Variants in TMEM131L observed in about 807,000 individuals in gnomAD.
TMEM131L encodes transmembrane protein 131-like.
A neutral mutation model predicts 192.2 loss-of-function variants in TMEM131L; 54 were observed. The observed-to-expected ratio is 0.28, with a 90% CI of 0.23 to 0.35. TMEM131L has a LOEUF of 0.35. Ranked by LOEUF, TMEM131L falls within the 10% of genes least tolerant of loss-of-function variation. The pLI, the probability that TMEM131L is intolerant of heterozygous loss-of-function variation, is 1.00. For missense variants in TMEM131L, 1,888 were observed against 1,972.9 expected (o/e 0.96, Z 0.82); for synonymous variants, 701 against 704.9 (o/e 0.99, Z 0.09).
chr4:153,622,508 G>A (rs1205173873), intron 28 of TMEM131L, among the ~76,000 whole-genome samples: 1 of 152,198 alleles, frequency 6.6e-6, no homozygotes, highest in Non-Finnish European at 1.5e-5. Flanking sequence ...TCCCATTCAT[G>A]TATCAATATT....
In TMEM131L at chr4:153,468,590, A is replaced by G. The variant is rs965581918; in HGVS notation, c.195+1309A>G. 2.0e-5 allele frequency among the ~76,000 whole-genome samples: 3 copies of G among 152,222 alleles called. No individual in the cohort carries two copies. The East Asian group carries it at 5.8e-4, about 29-fold the overall frequency. On this transcript the variant is annotated intron_variant, in intron 2 of 34. Transcript: ENST00000409959. ...TATTTTAAAAAAATTATGTTTTTGT[A>G]TATCAGAGTTGTTCAACAGTGGCAC...
At chr4:153,630,787 AC>A (rs59380365) in intron 31 of TMEM131L, among the ~76,000 whole-genome samples, 3,259 of 152,254 alleles carry the variant, frequency 0.021, 111 homozygotes, top group African/African-American at 0.073. Context: ...GCAATGATGC[AC>A]CCAGGCAACA....
chr4:153,594,604 A>G (rs12511694), intron 19 of TMEM131L, among the ~76,000 whole-genome samples: 3,436 of 152,330 alleles, frequency 0.023, 121 homozygotes, highest in Admixed American at 0.095. Flanking sequence ...TATTTTTACT[A>G]CACTATATTT....
At chr4:153,583,918 T>A (rs1410200798) in intron 11 of TMEM131L, among the ~76,000 whole-genome samples, 3 of 152,240 alleles carry the variant, frequency 2.0e-5, no homozygotes, top group African/African-American at 7.2e-5. Flanking sequence ...TGATAACGAT[T>A]AGGAAGGAAA....
chr4:153,599,145 A>G (rs1332048811), intron 21 of TMEM131L, among the ~76,000 whole-genome samples: 1 of 152,236 alleles, frequency 6.6e-6, no homozygotes, highest in Non-Finnish European at 1.5e-5. Context: ...GGAAACTTAC[A>G]ATTATGACAG....
intron 1 of TMEM131L, 41 bp downstream of exon 1, chr4:153,466,562 C>T: frequency 7.8e-7 from 1 of 1,277,910 alleles, no homozygotes. Context: ...CTCTCCACCC[C>T]GCCCCCGCTC....
At chr4:153,499,288 G>A (rs1458567920) in intron 3 of TMEM131L, among the ~76,000 whole-genome samples, 7 of 152,188 alleles carry the variant, frequency 4.6e-5, no homozygotes, top group Admixed American at 3.3e-4. Flanking sequence ...CGGGAGGTTT[G>A]GAGGATGCCC....
At chr4:153,575,771 G>A (rs1428774811) in intron 7 of TMEM131L, among the ~76,000 whole-genome samples, 1 of 152,088 alleles carries the variant, frequency 6.6e-6, no homozygotes, top group African/African-American at 2.4e-5. Flanking sequence ...CAAAACTAGA[G>A]AATTACGTTT....
intron 3 of TMEM131L, among the ~76,000 whole-genome samples, chr4:153,506,036 TG>T (rs1186496688): frequency 6.6e-6 from 1 of 152,208 alleles, no homozygotes; most frequent in Non-Finnish European, 1.5e-5. Flanking sequence ...GGGAAGTATT[TG>T]AAGTAGAACT....
At chr4:153,621,362 A>T (rs1733396799) in intron 27 of TMEM131L, among the ~76,000 whole-genome samples, 1 of 152,158 alleles carries the variant, frequency 6.6e-6, no homozygotes, top group South Asian at 2.1e-4. Flanking sequence ...GTAGGTTCTT[A>T]CAGCTGCAGG....
At chr4:153,478,341 T>C (rs1209686049) in intron 3 of TMEM131L, among the ~76,000 whole-genome samples, 1 of 152,242 alleles carries the variant, frequency 6.6e-6, no homozygotes, top group African/African-American at 2.4e-5. Flanking sequence ...ACCTTCTACC[T>C]TCTTAATTTT....
intron 26 of TMEM131L, 38 bp from the exon 27 acceptor site, chr4:153,620,718 T>C: frequency 1.5e-6 from 2 of 1,299,502 alleles, no homozygotes; most frequent in Non-Finnish European, 2.1e-6. Flanking sequence ...TATTCATATT[T>C]AGTTTAAACC....
intron 26 of TMEM131L, 27 bp from the exon 27 acceptor site, chr4:153,620,729 A>G (rs1733334389): frequency 1.4e-6 from 2 of 1,405,502 alleles, no homozygotes; most frequent in South Asian, 2.5e-5. Context: ...AGTTTAAACC[A>G]TTAAACATTT....
Position 153,467,207 on chromosome 4 carries a change from G to T in TMEM131L, c.125-4G>T, listed in dbSNP as rs913304985. ...ACGTGGTGTATTTTTTGGTGTTCCTGCAGCGATTGAGCCGTTGCCGAACGT... is the reference window on the plus strand; with the variant it reads ...ACGTGGTGTATTTTTTGGTGTTCCTTCAGCGATTGAGCCGTTGCCGAACGT... On this transcript the variant is annotated splice_region_variant and splice_polypyrimidine_tract_variant and intron_variant, in intron 1 of 34. Coordinates refer to ENST00000409959, the MANE Select transcript of TMEM131L (RefSeq NM_001131007.2). 7 of 1,551,726 alleles carry T rather than the reference G, an allele frequency of 4.5e-6. No homozygotes were observed. The highest frequency in any genetic ancestry group is 2.0e-5 in the Admixed American group (1 of 51,014).
At chr4:153,515,000 A>C (rs960829495) in intron 3 of TMEM131L, among the ~76,000 whole-genome samples, 96 of 152,040 alleles carry the variant, frequency 6.3e-4, no homozygotes, top group African/African-American at 2.2e-3. Context: ...TAGTAGAGAC[A>C]GGGGTCTCCC....
At chr4:153,521,760 A>G (rs1735129253) in intron 3 of TMEM131L, among the ~76,000 whole-genome samples, 1 of 151,906 alleles carries the variant, frequency 6.6e-6, no homozygotes, top group Admixed American at 6.6e-5. Context: ...TGCGTGCTTC[A>G]TAGGAGGGAG....
intron 3 of TMEM131L, among the ~76,000 whole-genome samples, chr4:153,474,283 C>T (rs1417776605): frequency 6.6e-6 from 1 of 152,164 alleles, no homozygotes; most frequent in Non-Finnish European, 1.5e-5. Context: ...ATGCTTATGA[C>T]AAGAGCTATC....
intron 3 of TMEM131L, among the ~76,000 whole-genome samples, chr4:153,549,341 A>G (rs1737432120): frequency 6.6e-6 from 1 of 152,222 alleles, no homozygotes. Flanking sequence ...GAGCTTCTTC[A>G]GTTAAACCTC....
At chr4:153,632,948 C>T in intron 32 of TMEM131L, 110 bp downstream of exon 32, 1 of 1,289,208 alleles carries the variant, frequency 7.8e-7, no homozygotes, top group South Asian at 1.4e-5. Context: ...TAGGCTTCTT[C>T]CTTGGTGTAC....
Sources: allele counts gnomAD v4.1 joint callset (sites outside exome capture counted in the v4.1 genomes callset), GRCh38; gene constraint gnomAD v4.1.1; transcripts MANE v1.5; gene names NCBI Gene and HGNC (gene_info 2026-07-23, HGNC 2026-07-21).